The following CFAP54 variants were observed in gnomAD, a reference collection of about 807,000 sequenced individuals.
The protein encoded by CFAP54 is cilia- and flagella-associated protein 54.
In CFAP54, 290 loss-of-function variants were observed where a neutral mutation model predicts 370.4. That is an observed-to-expected ratio of 0.78 (90% CI 0.71 to 0.86). The LOEUF (loss-of-function observed/expected upper bound fraction) is 0.86, where lower values mean the gene tolerates loss of function less well. Ranked by LOEUF, CFAP54 falls within the 40% of genes least tolerant of loss-of-function variation. CFAP54 has a pLI of 0.00. For synonymous variants in CFAP54, 1,206 were observed against 1,236.5 expected, an observed-to-expected ratio of 0.98 and a Z score of 0.52; for missense variants, 3,399 against 3,528.7, an observed-to-expected ratio of 0.96 and a Z score of 0.93.
chr12:96,671,334 T>C (rs1453563598), intron 39 of CFAP54, among the ~76,000 whole-genome samples: 1 of 152,174 alleles, frequency 6.6e-6, no homozygotes, highest in African/African-American at 2.4e-5. Context: ...CTCTGCCATA[T>C]GTTTTCTTTT....
intron 23 of CFAP54, among the ~76,000 whole-genome samples, chr12:96,591,553 G>C (rs1956124367): frequency 1.3e-5 from 2 of 152,044 alleles, no homozygotes; most frequent in African/African-American, 4.8e-5. Context: ...CGAGCCTGGA[G>C]GACATAAGAG....
Position 96,489,975 on chromosome 12 carries a change from C to T in CFAP54, c.317+49C>T, listed in dbSNP as rs1384364312. On this transcript the variant is annotated intron_variant, in intron 1 of 67. Transcript: ENST00000524981. ...GAGGGCGCCGGCCAGAGGAGGGACC[C>T]CTGGAAAGGGCTGGAGGATGCAGGT... The T allele has an allele frequency of 6.8e-6, 10 of 1,472,170 alleles. No individual in the cohort carries two copies. The African/African-American group carries it at 1.4e-4, about 21-fold the overall frequency. The allele number at this position is 1,472,170 out of a possible 1,614,324, so 91.2% of individuals were successfully genotyped here. A position where few individuals can be genotyped will look rare whatever the true frequency, so the allele number is the denominator to read the frequency against.
At chr12:96,868,880 C>T (rs1299408025) in intron 67 of CFAP54, among the ~76,000 whole-genome samples, 1 of 152,126 alleles carries the variant, frequency 6.6e-6, no homozygotes, top group Non-Finnish European at 1.5e-5. Flanking sequence ...AGATCAACAG[C>T]ATTTTAAGGG....
chr12:96,741,876 G>C lies in CFAP54; in HGVS notation c.7072-563G>C, dbSNP rs1417172335. On this transcript the variant is annotated intron_variant, in intron 51 of 67. Transcript: ENST00000524981. ...TGGACTCTGAAGGCAGGAAGACATA[G>C]GTTGGAATCCCACCTCCGTCAAAAT... is the stretch of plus-strand genomic sequence containing the variant. 2.0e-5 allele frequency among the ~76,000 whole-genome samples: 3 copies of C among 152,256 alleles called. No homozygotes were observed. In the East Asian group the frequency reaches 5.8e-4, roughly 29 times the overall value.
chr12:96,829,020 A>G lies in CFAP54; in HGVS notation c.9103A>G (p.Ile3035Val). ...ESVDNEMEDMIIQCCSEIASL... is the reference protein window; with the variant it reads ...ESVDNEMEDMVIQCCSEIASL... ...ACTATCTTCTTATTTCTAGGACATG[A>G]TTATTCAATGTTGCTCTGAAATAGC... The change falls in exon 66 of 68, where the codon ATT becomes GTT. Residue 3035 changes from isoleucine (I) to valine (V), a missense_variant. Transcript: ENST00000524981. 1 of 1,500,276 alleles carries G rather than the reference A, an allele frequency of 6.7e-7. No individual in the cohort carries two copies. The highest frequency in any genetic ancestry group is 9.0e-7 in the Non-Finnish European group (1 of 1,116,672). 92.9% of individuals were successfully genotyped at this position (1,500,276 alleles called of 1,614,324 possible).
intron 60 of CFAP54, among the ~76,000 whole-genome samples, chr12:96,768,349 A>G (rs956264130): frequency 6.6e-6 from 1 of 151,926 alleles, no homozygotes; most frequent in Non-Finnish European, 1.5e-5. Flanking sequence ...AACAAAATTC[A>G]TCTTTTAAGA....
chr12:96,512,994 T>A lies in CFAP54; in HGVS notation c.748T>A (p.Tyr250Asn). The change falls in exon 5 of 68, where the codon TAT becomes AAT. Residue 250 changes from tyrosine (Y) to asparagine (N), a missense_variant. Transcript: ENST00000524981. ...TCGTTTTCTCCATCCAGGTACCATT[T>A]ATATTTACACCATTTGCAGAAAACT... ...LCWIIFNGTI[Y>N]IYTICRKLMV... 6.6e-7 allele frequency: 1 copy of A among 1,517,180 alleles called. No homozygotes were observed. The highest frequency in any genetic ancestry group is 8.8e-7 in the Non-Finnish European group (1 of 1,136,066). 94.0% of individuals were successfully genotyped at this position (1,517,180 alleles called of 1,614,324 possible). A position where few individuals can be genotyped will look rare whatever the true frequency, so the allele number is the denominator to read the frequency against.
At chr12:96,726,151 T>C (rs1346851845) in intron 50 of CFAP54, among the ~76,000 whole-genome samples, 1 of 150,928 alleles carries the variant, frequency 6.6e-6, no homozygotes, top group Non-Finnish European at 1.5e-5. Flanking sequence ...TTTGGTTGTG[T>C]CTCTGCCCGG....
At chr12:96,534,338 C>A in intron 11 of CFAP54, 111 bp downstream of exon 11, 1 of 643,474 alleles carries the variant, frequency 1.6e-6, no homozygotes, top group Non-Finnish European at 2.6e-6. Flanking sequence ...GTACAAAGGC[C>A]CTGAGACAAG....
chr12:96,830,561 A>G (rs1367782568), intron 66 of CFAP54, among the ~76,000 whole-genome samples: 2 of 152,206 alleles, frequency 1.3e-5, no homozygotes, highest in African/African-American at 4.8e-5. Context: ...TGGTATATAC[A>G]TTTTGATATA....
chr12:96,548,957 C>G (rs1955667503), intron 15 of CFAP54, among the ~76,000 whole-genome samples: 2 of 151,992 alleles, frequency 1.3e-5, no homozygotes, highest in African/African-American at 4.8e-5. Flanking sequence ...CAGGTTCAAG[C>G]CAGTCTCCTG....
intron 47 of CFAP54, among the ~76,000 whole-genome samples, chr12:96,706,760 A>G (rs1957551540): frequency 6.6e-6 from 1 of 151,918 alleles, no homozygotes; most frequent in African/African-American, 2.4e-5. Context: ...CAAATTCCCA[A>G]ACCTCAAAGC....
intron 14 of CFAP54, among the ~76,000 whole-genome samples, chr12:96,545,493 A>G (rs886122726): frequency 2.0e-5 from 3 of 152,060 alleles, no homozygotes; most frequent in Non-Finnish European, 4.4e-5. Flanking sequence ...CAAACAATAT[A>G]TTTCCAAAAA....
intron 26 of CFAP54, among the ~76,000 whole-genome samples, chr12:96,604,424 TGAG>T (rs1956279553): frequency 6.6e-6 from 1 of 152,144 alleles, no homozygotes; most frequent in East Asian, 1.9e-4. Context: ...GGGACCCACT[TGAG>T]GAGGCAGTCT....
intron 60 of CFAP54, among the ~76,000 whole-genome samples, chr12:96,767,003 T>G (rs1450733917): frequency 6.6e-6 from 1 of 152,130 alleles, no homozygotes; most frequent in African/African-American, 2.4e-5. Context: ...TTATCTGGGG[T>G]ATGATCTTCT....
At chr12:96,683,377 T>C (rs1425430029) in intron 40 of CFAP54, among the ~76,000 whole-genome samples, 3 of 152,256 alleles carry the variant, frequency 2.0e-5, no homozygotes, top group African/African-American at 7.2e-5. Flanking sequence ...CATGATTTTC[T>C]AAAATGGCAA....
intron 63 of CFAP54, among the ~76,000 whole-genome samples, chr12:96,797,738 C>A (rs192986920): frequency 1.3e-5 from 2 of 152,078 alleles, no homozygotes; most frequent in East Asian, 3.9e-4. Context: ...GCTTTCAACC[C>A]TTCCATGTAC....
intron 25 of CFAP54, among the ~76,000 whole-genome samples, chr12:96,597,305 C>T (rs1165082287): frequency 6.6e-6 from 1 of 151,914 alleles, no homozygotes; most frequent in Non-Finnish European, 1.5e-5. Flanking sequence ...GGTTCCTGGA[C>T]CTGAGGAACC....
At chr12:96,776,630 G>A (rs1048989302) in intron 60 of CFAP54, among the ~76,000 whole-genome samples, 3 of 152,320 alleles carry the variant, frequency 2.0e-5, no homozygotes, top group East Asian at 1.9e-4. Context: ...TCAGATAATT[G>A]TGGATAGTCT....
Sources: allele counts gnomAD v4.1 joint callset (sites outside exome capture counted in the v4.1 genomes callset), GRCh38; gene constraint gnomAD v4.1.1; transcripts MANE v1.5; gene names NCBI Gene and HGNC (gene_info 2026-07-23, HGNC 2026-07-21).